The following TNS4 variants were observed in gnomAD, a reference collection of about 807,000 sequenced individuals.
TNS4 encodes the protein tensin-4.
TNS4 carries 46 observed loss-of-function variants against 70.4 expected under a neutral mutation model. That is an observed-to-expected ratio of 0.65 (90% CI 0.52 to 0.84). The LOEUF (loss-of-function observed/expected upper bound fraction) is 0.84. Among genes scored for constraint, TNS4 ranks in the 40% least tolerant of loss-of-function variants. TNS4 has a pLI of 0.00. For synonymous variants in TNS4, 390 were observed against 366.6 expected (o/e 1.06, Z -0.73); for missense variants, 863 against 907.0 (o/e 0.95, Z 0.62).
Position 40,479,815 on chromosome 17 carries a change from A to G in TNS4, c.1769T>C (p.Val590Ala), listed in dbSNP as rs752949335. 3 of 1,613,232 alleles carry G rather than the reference A, an allele frequency of 1.9e-6. No homozygotes were observed. Among genetic ancestry groups the G allele is most frequent in the South Asian group, 2.2e-5 (2 of 90,966 alleles). ...GGCTCCAGTCAGGGTCTCCACGCTC[A>G]CTGAGCTCAGGTACAGGGTGTGGCA... The part of the protein sequence containing the change: ...AGCHTLYLSS[V>A]SVETLTGALA... Residue 590 changes from valine to alanine, a missense_variant, in exon 10 of 13, where the codon GTG (valine) becomes GCG (alanine). Coordinates refer to ENST00000254051, the MANE Select transcript of TNS4 (RefSeq NM_032865.6).
intron 6 of TNS4, among the ~76,000 whole-genome samples, chr17:40,482,785 A>G (rs1042382539): frequency 3.3e-5 from 5 of 151,762 alleles, no homozygotes; most frequent in African/African-American, 1.2e-4. Context: ...CTCACCGGAA[A>G]AAAAAAAAAT....
At chr17:40,495,580 T>C (rs896135) in intron 2 of TNS4, among the ~76,000 whole-genome samples, 131,438 of 152,080 alleles carry the variant, frequency 0.86, 58,050 homozygotes, top group East Asian at 0.98. Context: ...AGGACAGAGG[T>C]CCCAATAGCA....
intron 2 of TNS4, among the ~76,000 whole-genome samples, chr17:40,491,794 G>T (rs950456441): frequency 1.3e-5 from 2 of 152,208 alleles, no homozygotes; most frequent in Non-Finnish European, 2.9e-5. Flanking sequence ...GCAGTGCTGG[G>T]TGGGTGCCGG....
chr17:40,494,832 T>C (rs1206888222), intron 2 of TNS4, among the ~76,000 whole-genome samples: 2 of 151,932 alleles, frequency 1.3e-5, no homozygotes, highest in African/African-American at 4.8e-5. Context: ...GTCCAGTAAG[T>C]GTAATATCTT....
intron 2 of TNS4, among the ~76,000 whole-genome samples, chr17:40,495,061 T>A (rs2036125388): frequency 6.6e-6 from 1 of 152,168 alleles, no homozygotes. Flanking sequence ...ATCAGCTGGT[T>A]AAGAGCTGAT....
chr17:40,486,320 C>T (rs1379104766), intron 4 of TNS4, among the ~76,000 whole-genome samples: 1 of 152,092 alleles, frequency 6.6e-6, no homozygotes, highest in African/African-American at 2.4e-5. Flanking sequence ...ACTGACTCGC[C>T]CTCTTGCTCT....
At chr17:40,495,524 T>C (rs1284686651) in intron 2 of TNS4, among the ~76,000 whole-genome samples, 1 of 152,090 alleles carries the variant, frequency 6.6e-6, no homozygotes, top group Non-Finnish European at 1.5e-5. Flanking sequence ...GCCCCAATCC[T>C]ACCATTTCCA....
chr17:40,492,203 A>G (rs1249572890), intron 2 of TNS4, among the ~76,000 whole-genome samples: 1 of 152,198 alleles, frequency 6.6e-6, no homozygotes, highest in East Asian at 1.9e-4. Context: ...GAGAAAGGAC[A>G]GTGGCCTATG....
rs2035866607 is a variant in TNS4, at chr17:40,477,710, T to C, written c.2026A>G (p.Lys676Glu). ...KPSWIFGFVA[K>E]SQTEPQENVC... ...TTCTCCTGAGGCTCTGTCTGGCTCT[T>C]GGCCACAAACCCAAAGATCCTGGTG... The change falls in exon 13 of 13, where the codon AAG becomes GAG. Residue 676 changes from lysine (K) to glutamate (E), a missense_variant. Physicochemically the swap from Lys to Glu is moderately conservative, Grantham distance 56. Coordinates refer to ENST00000254051, the MANE Select transcript of TNS4 (RefSeq NM_032865.6). 1 of 1,597,372 alleles carries C rather than the reference T, an allele frequency of 6.3e-7. No individual in the cohort carries two copies. Among genetic ancestry groups the C allele is most frequent in the Admixed American group, 1.7e-5 (1 of 59,210 alleles).
chr17:40,484,920 C>T lies in TNS4; in HGVS notation c.1375+1G>A. The T allele has an allele frequency of 6.2e-7, 1 of 1,614,162 alleles. No homozygotes were observed. The highest frequency in any genetic ancestry group is 1.1e-5 in the South Asian group (1 of 91,076). On this transcript the variant is annotated splice_donor_variant, in intron 5 of 12. Coordinates refer to ENST00000254051, the MANE Select transcript of TNS4 (RefSeq NM_032865.6). LOFTEE classifies it high-confidence loss of function. ...CTGGGGTCACTCGTGCTTCCTTTTA[C>T]CTTGCTCTCGGGTGATGTTTGGCTT...
intron 9 of TNS4, among the ~76,000 whole-genome samples, chr17:40,480,402 A>T (rs991812432): frequency 6.6e-6 from 1 of 151,958 alleles, no homozygotes; most frequent in Admixed American, 6.6e-5. Context: ...GGTTTCTCAG[A>T]CCTAGAGAGA....
chr17:40,483,147 T>C (rs764699108), intron 6 of TNS4, among the ~76,000 whole-genome samples: 1 of 152,134 alleles, frequency 6.6e-6, no homozygotes, highest in Admixed American at 6.5e-5. Flanking sequence ...CTCACTATTT[T>C]GCTCAGGCTG....
Position 40,488,543 on chromosome 17 carries a change from T to C in TNS4, c.863+3A>G, listed in dbSNP as rs373797710. The stretch of plus-strand genomic sequence containing the variant: ...GTGCAATGTTAGAAGCTACAGAACC[T>C]ACCTTCCAAACATATAGCTGACATC... On this transcript the variant is annotated splice_donor_region_variant and intron_variant, in intron 3 of 12. Transcript: ENST00000254051. 6.6e-7 allele frequency: 1 copy of C among 1,505,120 alleles called. No homozygotes were observed. The highest frequency in any genetic ancestry group is 8.9e-7 in the Non-Finnish European group (1 of 1,126,616). 93.2% of individuals were successfully genotyped at this position (1,505,120 alleles called of 1,614,324 possible).
intron 1 of TNS4, among the ~76,000 whole-genome samples, chr17:40,499,345 C>G (rs1190632639): frequency 3.3e-5 from 5 of 152,210 alleles, no homozygotes; most frequent in African/African-American, 4.8e-5. Context: ...GAAATGCTCA[C>G]TCGGGGAGCT....
At position 40,484,344 on chromosome 17, in the gene TNS4, T is replaced by C. The variant is rs1183495917; in HGVS notation, c.1501+140A>G. The C allele has an allele frequency of 3.0e-6, 4 of 1,326,328 alleles. No individual in the cohort carries two copies. The African/African-American group carries it at 4.4e-5, about 15-fold the overall frequency. 82.2% of individuals were successfully genotyped at this position (1,326,328 alleles called of 1,614,324 possible). A position where few individuals can be genotyped will look rare whatever the true frequency, so the allele number is the denominator to read the frequency against. ...GGCTGGAGGGCATCGGGGAGAACAC[T>C]GGGGTGGACGCTTCTCCTAGGAGCT... On this transcript the variant is annotated intron_variant, in intron 6 of 12. Coordinates refer to ENST00000254051, the MANE Select transcript of TNS4 (RefSeq NM_032865.6).
At chr17:40,500,571 T>A (rs1222478312) in intron 1 of TNS4, among the ~76,000 whole-genome samples, 1 of 152,100 alleles carries the variant, frequency 6.6e-6, no homozygotes, top group Admixed American at 6.5e-5. Context: ...CAGATCTCTT[T>A]CTTTGTTCCC....
intron 1 of TNS4, among the ~76,000 whole-genome samples, chr17:40,497,169 G>A (rs1250461588): frequency 2.0e-5 from 3 of 152,160 alleles, no homozygotes; most frequent in African/African-American, 7.2e-5. Flanking sequence ...GGAGGGAAGG[G>A]ACAGTGCACT....
intron 4 of TNS4, among the ~76,000 whole-genome samples, chr17:40,486,686 T>C (rs1389783646): frequency 1.3e-5 from 2 of 152,180 alleles, no homozygotes; most frequent in Non-Finnish European, 2.9e-5. Context: ...CTGCTTTCTC[T>C]GCTGGGAATG....
intron 4 of TNS4, among the ~76,000 whole-genome samples, chr17:40,485,655 C>G (rs577458158): frequency 6.6e-6 from 1 of 152,244 alleles, no homozygotes; most frequent in Admixed American, 6.5e-5. Flanking sequence ...TTGATAAGAT[C>G]TGGGGGTATA....
Sources: gnomAD v4.1 joint callset for allele counts (sites outside exome capture counted in the v4.1 genomes callset) on GRCh38, gnomAD v4.1.1 for gene constraint, MANE v1.5 for transcripts, NCBI Gene and HGNC (gene_info 2026-07-23, HGNC 2026-07-21) for gene names.